The following COL17A1 variants were observed in gnomAD, a reference collection of about 807,000 sequenced individuals.
COL17A1 encodes collagen type XVII alpha 1 chain.
COL17A1 carries 181 observed loss-of-function variants against 218.4 expected under a neutral mutation model. The ratio of observed to expected loss-of-function variants is 0.83; its 90% CI spans 0.73 to 0.94. The LOEUF (loss-of-function observed/expected upper bound fraction) is 0.94. Ranked by LOEUF, COL17A1 falls within the 40% of genes least tolerant of loss-of-function variation. COL17A1 has a pLI of 0.00. For missense variants in COL17A1, 1,924 were observed against 1,945.9 expected (o/e 0.99, Z 0.21); for synonymous variants, 721 against 731.0 (o/e 0.99, Z 0.22).
At chr10:104,051,840 C>G (rs2086472690) in intron 24 of COL17A1, among the ~76,000 whole-genome samples, 1 of 152,200 alleles carries the variant, frequency 6.6e-6, no homozygotes, top group African/African-American at 2.4e-5. Context: ...GGGCCGCAGT[C>G]AGTCAAGGAA....
intron 32 of COL17A1, among the ~76,000 whole-genome samples, chr10:104,046,268 T>C (rs2086408576): frequency 1.3e-5 from 2 of 152,350 alleles, no homozygotes; most frequent in East Asian, 3.9e-4. Flanking sequence ...GCCTAATTTC[T>C]TTCAGGAAAT....
At chr10:104,066,100 T>C (rs2086623971) in intron 9 of COL17A1, among the ~76,000 whole-genome samples, 1 of 152,164 alleles carries the variant, frequency 6.6e-6, no homozygotes, top group African/African-American at 2.4e-5. Context: ...GACTGCAAAA[T>C]AGCTCATTTT....
intron 52 of COL17A1, 127 bp downstream of exon 52, chr10:104,033,818 T>TC (rs1285353993): frequency 5.0e-6 from 7 of 1,410,480 alleles, no homozygotes; most frequent in Non-Finnish European, 6.8e-6. Context: ...GGGCTGCCTG[T>TC]CCCCTCCAGC....
chr10:104,060,317 G>A, intron 13 of COL17A1, 37 bp from the exon 14 acceptor site: 1 of 1,612,456 alleles, frequency 6.2e-7, no homozygotes, highest in Non-Finnish European at 8.5e-7. Flanking sequence ...GGAAGGACAT[G>A]TGCCAGGAGA....
rs903685413 is a variant in COL17A1, at chr10:104,034,154, C to T, written c.3947G>A (p.Gly1316Asp). 3.1e-6 allele frequency: 5 copies of T among 1,613,696 alleles called. No homozygotes were observed. The highest frequency in any genetic ancestry group is 4.2e-6 in the Non-Finnish European group (5 of 1,179,990). Residue 1316 changes from glycine to aspartate, a missense_variant, in exon 52 of 56, where the codon GGT becomes GAT. Coordinates refer to ENST00000648076, the MANE Select transcript of COL17A1 (RefSeq NM_000494.4). The stretch of plus-strand genomic sequence containing the variant: ...GCCTGCACCCAGGGAGCCTGCACCA[C>T]CTCCTCCTGTGCTCATGGAAGAGCT... ...SYSSSMSTGG[G>D]GAGSLGAGGA...
rs201280800 is a variant in COL17A1, at chr10:104,037,639, G to A, written c.3205C>T (p.Arg1069Trp). ...CAGGGCGTGGGGAAGGGCTTACTCC[G>A]TAAGTAGCTCACAACGTGGCTTGCC... ...ELASHVVSYL[R>W]TSGYGVSLFS... The change falls in exon 46 of 56, where the codon CGG (arginine) becomes TGG (tryptophan). Residue 1069 changes from arginine (R) to tryptophan (W), a missense_variant. Coordinates refer to ENST00000648076, the MANE Select transcript of COL17A1 (RefSeq NM_000494.4). 461 of 1,614,180 alleles carry A rather than the reference G, an allele frequency of 2.9e-4. No homozygotes were observed. Among genetic ancestry groups the A allele is most frequent in the Non-Finnish European group, 3.7e-4 (439 of 1,180,026 alleles).
At chr10:104,070,158 A>AC (rs1394224883) in intron 9 of COL17A1, among the ~76,000 whole-genome samples, 1 of 151,872 alleles carries the variant, frequency 6.6e-6, no homozygotes, top group Non-Finnish European at 1.5e-5. Flanking sequence ...TAAAACCTCT[A>AC]CCCCCTAAAC....
At position 104,075,854 on chromosome 10, in the gene COL17A1, C is replaced by T. The variant is rs1250269433; in HGVS notation, c.331+447G>A. ...CATCTTTGGGTATCAAACTCTTACTCGTCATGAGGACCTCGCTCAGATGTC... is the reference window on the plus strand; with the variant it reads ...CATCTTTGGGTATCAAACTCTTACTTGTCATGAGGACCTCGCTCAGATGTC... On this transcript the variant is annotated intron_variant, in intron 5 of 55. Coordinates refer to ENST00000648076, the MANE Select transcript of COL17A1 (RefSeq NM_000494.4). Among the ~76,000 whole-genome samples, 6 of 152,216 alleles carry T rather than the reference C, an allele frequency of 3.9e-5. 1 individual carries two copies. The South Asian group carries it at 8.3e-4, about 21-fold the overall frequency.
At chr10:104,055,704 C>A in intron 18 of COL17A1, 78 bp downstream of exon 18, 1 of 1,573,252 alleles carries the variant, frequency 6.4e-7, no homozygotes, top group Non-Finnish European at 8.7e-7. Context: ...GTGCTCACAG[C>A]ACATGCACAC....
Position 104,054,113 on chromosome 10 carries a change from G to C in COL17A1, c.1750C>G (p.Arg584Gly). Residue 584 changes from arginine (R) to glycine (G), a missense_variant, in exon 21 of 56, where the codon CGA becomes GGA. Physicochemically the swap from Arg to Gly is moderately radical, Grantham distance 125 (BLOSUM62 -2). Coordinates refer to ENST00000648076, the MANE Select transcript of COL17A1 (RefSeq NM_000494.4). ...ATACCTGGAGTCCCAGGGAACCCTC[G>C]ATCTCCTGCAGGAACAAAGGCAAAA... ...DMGSPGPKGD[R>G]GFPGTPGIPG... The C allele has an allele frequency of 1.9e-6, 3 of 1,609,176 alleles. No homozygotes were observed. Among genetic ancestry groups the C allele is most frequent in the South Asian group, 1.1e-5 (1 of 90,128 alleles).
At chr10:104,052,328 A>G (rs2086477974) in intron 23 of COL17A1, 111 bp from the exon 24 acceptor site, 2 of 1,443,322 alleles carry the variant, frequency 1.4e-6, no homozygotes, top group Non-Finnish European at 1.9e-6. Flanking sequence ...GTGGTCTTGG[A>G]TCCATTTGGT....
intron 15 of COL17A1, among the ~76,000 whole-genome samples, chr10:104,058,970 GTGTT>G (rs1420792766): frequency 6.6e-6 from 1 of 151,910 alleles, no homozygotes; most frequent in African/African-American, 2.4e-5. Context: ...AGAAAGTTGA[GTGTT>G]TGTGGGCATG....
At position 104,045,174 on chromosome 10, in the gene COL17A1, T is replaced by A. The variant is rs575095902; in HGVS notation, c.2398+584A>T. On this transcript the variant is annotated intron_variant, in intron 33 of 55. Transcript: ENST00000648076. ...AGAACTGGACAAGAGGGTCACTGTGTGCATGGGCATCACCACATTGCCCCA... is the reference window on the plus strand; with the variant it reads ...AGAACTGGACAAGAGGGTCACTGTGAGCATGGGCATCACCACATTGCCCCA... Among the ~76,000 whole-genome samples the A allele has an allele frequency of 4.6e-5, 7 of 152,286 alleles. No individual in the cohort carries two copies. In the South Asian group the frequency reaches 1.5e-3, roughly 32 times the overall value.
intron 9 of COL17A1, among the ~76,000 whole-genome samples, chr10:104,069,021 C>G (rs920357894): frequency 3.0e-4 from 46 of 152,144 alleles, no homozygotes; most frequent in African/African-American, 1.1e-3. Flanking sequence ...TGATGCAATA[C>G]TAAAAAATTA....
chr10:104,068,755 C>G (rs560774555), intron 9 of COL17A1, among the ~76,000 whole-genome samples: 51 of 152,294 alleles, frequency 3.3e-4, no homozygotes, highest in African/African-American at 1.2e-3. Flanking sequence ...AACAGGCTTG[C>G]AGATAAAGCT....
intron 48 of COL17A1, among the ~76,000 whole-genome samples, chr10:104,036,087 G>A (rs2086289809): frequency 1.0e-4 from 1 of 9,966 alleles, no homozygotes; most frequent in Non-Finnish European, 2.3e-4. Context: ...AGTGTGTATG[G>A]GAGTGTGTGT....
intron 12 of COL17A1, 119 bp downstream of exon 12, chr10:104,062,139 T>A (rs2086588246): frequency 6.8e-7 from 1 of 1,469,180 alleles, no homozygotes; most frequent in East Asian, 2.3e-5. Flanking sequence ...GAGTGTTGTG[T>A]CTTTGGTGGG....
intron 16 of COL17A1, among the ~76,000 whole-genome samples, chr10:104,057,410 C>T (rs955792307): frequency 6.9e-6 from 1 of 145,406 alleles, no homozygotes; most frequent in African/African-American, 2.5e-5. Context: ...GGTCACTTCA[C>T]CTTTGTTTCC....
intron 9 of COL17A1, among the ~76,000 whole-genome samples, chr10:104,069,910 A>G (rs2086655790): frequency 6.6e-6 from 1 of 152,218 alleles, no homozygotes; most frequent in Admixed American, 6.5e-5. Flanking sequence ...AGGGACTGGT[A>G]AAAGAAACCC....
Sources: allele counts gnomAD v4.1 joint callset (sites outside exome capture counted in the v4.1 genomes callset), GRCh38; gene constraint gnomAD v4.1.1; transcripts MANE v1.5; gene names NCBI Gene and HGNC (gene_info 2026-07-23, HGNC 2026-07-21).